EIF4A3: variants seen among roughly 807,000 people sequenced by gnomAD.
The protein encoded by EIF4A3 is eukaryotic translation initiation factor 4A3.
Under a neutral mutation model 55.6 loss-of-function variants are expected in EIF4A3, and 1 was observed. The ratio of observed to expected loss-of-function variants is 0.02; its 90% confidence interval spans 0.01 to 0.09. The LOEUF is 0.09. Among genes scored for constraint, EIF4A3 ranks in the 10% least tolerant of loss-of-function variants. The pLI is 1.00. For synonymous variants in EIF4A3, 194 were observed against 196.3 expected, an observed-to-expected ratio of 0.99 and a Z score of 0.10; for missense variants, 221 against 540.7, an observed-to-expected ratio of 0.41 and a Z score of 5.86.
chr17:80,139,591 G>A, intron 6 of EIF4A3, 79 bp downstream of exon 6: 1 of 1,235,070 alleles, frequency 8.1e-7, no homozygotes, highest in African/African-American at 1.5e-5. Context: ...ACAGTCACTG[G>A]CTGTTTCAAT....
chr17:80,140,132 A>T lies in EIF4A3; in HGVS notation c.381T>A (p.Leu127=). Residue 127 remains leucine, a synonymous_variant, in exon 5 of 12, where the codon CTT becomes CTA. Transcript: ENST00000649764. ...ELAVQIQKGL[L]ALGDYMNVQC... ...GGACATTCATGTAGTCACCGAGAGC[A>T]AGCAGCCCCTGAAACAAAGCACAGG... is the stretch of plus-strand genomic sequence containing the variant. 1 of 1,599,836 alleles carries T rather than the reference A, an allele frequency of 6.3e-7. No individual in the cohort carries two copies. Among genetic ancestry groups the T allele is most frequent in the South Asian group, 1.1e-5 (1 of 90,044 alleles).
chr17:80,137,237 A>G, intron 9 of EIF4A3, 149 bp downstream of exon 9: 1 of 606,388 alleles, frequency 1.6e-6, no homozygotes, highest in Non-Finnish European at 2.8e-6. Flanking sequence ...CTTAACTGGA[A>G]GGTTTTCTGC....
At chr17:80,143,250 C>T (rs1261051624) in intron 2 of EIF4A3, among the ~76,000 whole-genome samples, 1 of 152,118 alleles carries the variant, frequency 6.6e-6, no homozygotes, top group African/African-American at 2.4e-5. Flanking sequence ...TTGGAGGCTG[C>T]ACCCCTCCCC....
At chr17:80,136,446 G>A (rs145240343) in intron 9 of EIF4A3, 111 bp from the exon 10 acceptor site, 7 of 786,110 alleles carry the variant, frequency 8.9e-6, no homozygotes, top group Admixed American at 5.2e-5. Context: ...CAAAATATAC[G>A]AGATTCTCCT....
chr17:80,139,914 G>A (rs948757249), intron 5 of EIF4A3, 94 bp downstream of exon 5: 66 of 1,547,566 alleles, frequency 4.3e-5, no homozygotes, highest in Middle Eastern at 1.7e-4. Context: ...AAAGTCTACC[G>A]TGCGGCCTAC....
intron 4 of EIF4A3, 28 bp downstream of exon 4, chr17:80,141,291 C>A (rs772100067): frequency 6.3e-7 from 1 of 1,594,566 alleles, no homozygotes; most frequent in South Asian, 1.1e-5. Context: ...ACTTGTTAAT[C>A]GGACACCGCT....
At position 80,147,114 on chromosome 17, in the gene EIF4A3, T is replaced by A. The variant is rs1009621284; in HGVS notation, c.-153A>T. 3.3e-6 allele frequency: 4 copies of A among 1,201,752 alleles called. No individual in the cohort carries two copies. 74.4% of individuals were successfully genotyped at this position (1,201,752 alleles called of 1,614,324 possible). A position where few individuals can be genotyped will look rare whatever the true frequency, so the allele number is the denominator to read the frequency against. On this transcript the variant is annotated 5_prime_UTR_variant, in exon 1 of 12. Transcript: ENST00000649764. ...GCCGCTGCCGACCTCGCTGTGCCGC[T>A]GCCGACCTCGCTGTGCCGCTGCCGA...
intron 3 of EIF4A3, 56 bp from the exon 4 acceptor site, chr17:80,141,437 G>A: frequency 6.6e-7 from 1 of 1,516,878 alleles, no homozygotes; most frequent in Middle Eastern, 1.7e-4. Flanking sequence ...AAAGTGGATT[G>A]TAGTAATTCA....
intron 7 of EIF4A3, 162 bp downstream of exon 7, chr17:80,138,859 T>C (rs1262902048): frequency 8.6e-6 from 8 of 925,748 alleles, no homozygotes; most frequent in Non-Finnish European, 1.3e-5. Flanking sequence ...TGCTTTCAAT[T>C]CCTTTACACT....
At chr17:80,138,922 A>G in intron 7 of EIF4A3, 99 bp downstream of exon 7, 1 of 1,512,512 alleles carries the variant, frequency 6.6e-7, no homozygotes, top group Non-Finnish European at 9.0e-7. Context: ...TCAGCAACAC[A>G]GCCAGACTCT....
intron 5 of EIF4A3, 78 bp from the exon 6 acceptor site, chr17:80,139,828 A>G: frequency 1.3e-6 from 2 of 1,523,880 alleles, no homozygotes; most frequent in Admixed American, 1.8e-5. Flanking sequence ...GAGGCTCCCA[A>G]GAAAGAGCTC....
intron 4 of EIF4A3, 173 bp from the exon 5 acceptor site, chr17:80,140,313 CTTTTT>C (rs34707524): frequency 2.3e-3 from 982 of 418,672 alleles, no homozygotes; most frequent in South Asian, 4.2e-3. Context: ...GTTAATTTTG[CTTTTT>C]TTTTTTTTTT....
At chr17:80,141,935 T>C in intron 2 of EIF4A3, 87 bp from the exon 3 acceptor site, 1 of 1,071,654 alleles carries the variant, frequency 9.3e-7, no homozygotes, top group Non-Finnish European at 1.4e-6. Context: ...CAGAGGCACT[T>C]AGGTACCTTC....
intron 9 of EIF4A3, chr17:80,136,877 T>G (rs528211612): frequency 2.0e-5 from 3 of 152,818 alleles, no homozygotes; most frequent in Admixed American, 6.5e-5. Context: ...TCACTTGAAA[T>G]CAGGAGGCAG....
Position 80,139,134 on chromosome 17 carries a change from G to A in EIF4A3, c.615C>T (p.Tyr205=). The change falls in exon 7 of 12, where the codon TAC becomes TAT. Residue 205 remains tyrosine (Y), a synonymous_variant. Coordinates refer to ENST00000649764, the MANE Select transcript of EIF4A3 (RefSeq NM_014740.4). ...KGFKEQIYDV[Y]RYLPPATQVV... is the part of the protein sequence containing the mutation. ...CCTGTGTGGCTGGAGGCAGGTACCT[G>A]TATACATCGTAAATCTGCTCTTTGA... 1 of 1,614,100 alleles carries A rather than the reference G, an allele frequency of 6.2e-7. No individual in the cohort carries two copies. Among genetic ancestry groups the A allele is most frequent in the Non-Finnish European group, 8.5e-7 (1 of 1,180,026 alleles).
chr17:80,140,190 C>T lies in EIF4A3; in HGVS notation c.373-50G>A, dbSNP rs192836413. 122 of 1,455,472 alleles carry T rather than the reference C, an allele frequency of 8.4e-5. No homozygotes were observed. The East Asian group carries it at 1.3e-3, about 15-fold the overall frequency. The allele number at this position is 1,455,472 out of a possible 1,614,324, so 90.2% of individuals were successfully genotyped here. On this transcript the variant is annotated intron_variant, in intron 4 of 11. Coordinates refer to ENST00000649764, the MANE Select transcript of EIF4A3 (RefSeq NM_014740.4). ...CCAGGGTGGGAGAGAGAAACATCCA[C>T]GTTTTCCAAAAAGAAAGACTGTTTC...
intron 1 of EIF4A3, among the ~76,000 whole-genome samples, chr17:80,144,961 TA>T (rs1345663516): frequency 6.6e-6 from 1 of 152,274 alleles, no homozygotes; most frequent in East Asian, 1.9e-4. Flanking sequence ...CTATTTCAAT[TA>T]TTTTTTGGTA....
chr17:80,141,842 C>T lies in EIF4A3; in HGVS notation c.249G>A (p.Gln83=), dbSNP rs2039621378. The T allele has an allele frequency of 1.9e-6, 3 of 1,613,934 alleles. No homozygotes were observed. Among genetic ancestry groups the T allele is most frequent in the South Asian group, 1.1e-5 (1 of 91,086 alleles). The change falls in exon 3 of 12, where the codon CAG becomes CAA. Residue 83 remains glutamine, a synonymous_variant. Transcript: ENST00000649764. ...AGGTGGCTGTTTTTCCTGTGCCGGA[C>T]TGAGACCTATTCAAGGAAACAAAAG... The part of the protein sequence containing the change: ...IKGRDVIAQS[Q]SGTGKTATFS...
At position 80,146,742 on chromosome 17, in the gene EIF4A3, G is replaced by GCTCGCCCCCGA. The variant is rs753809134; in HGVS notation, c.169+40_169+50dup. 376 of 1,571,886 alleles carry GCTCGCCCCCGA rather than the reference G, an allele frequency of 2.4e-4. 1 individual carries two copies. The East Asian group carries it at 7.5e-3, about 31-fold the overall frequency. Reference sequence around the variant, plus strand: ...TCACCAGTCTGGCCCTCAGCCCCCGGCTCGCCCCCGACTCGCCCCCGGCTG... The same window carrying GCTCGCCCCCGA: ...TCACCAGTCTGGCCCTCAGCCCCCGGCTCGCCCCCGACTCGCCCCCGACTCGCCCCCGGCTG... On this transcript the variant is annotated intron_variant, in intron 1 of 11. Transcript: ENST00000649764.
Sources: gnomAD v4.1 joint callset for allele counts (sites outside exome capture counted in the v4.1 genomes callset) on GRCh38, gnomAD v4.1.1 for gene constraint, MANE v1.5 for transcripts, NCBI Gene and HGNC (gene_info 2026-07-23, HGNC 2026-07-21) for gene names.